The following MYCBP2 variants were observed in gnomAD, a reference collection of about 807,000 sequenced individuals.
The protein encoded by MYCBP2 is MYC binding protein 2.
Under a neutral mutation model 525.3 loss-of-function variants are expected in MYCBP2, and 120 were observed. The observed-to-expected ratio is 0.23, with a 90% CI of 0.20 to 0.27. MYCBP2 has a LOEUF of 0.27. Among genes scored for constraint, MYCBP2 ranks in the 10% least tolerant of loss-of-function variants. The pLI, the probability that MYCBP2 is intolerant of heterozygous loss-of-function variation, is 1.00. For synonymous variants in MYCBP2, 1,894 were observed against 1,955.8 expected, an observed-to-expected ratio of 0.97 and a Z score of 0.83; for missense variants, 4,149 against 5,657.1, an observed-to-expected ratio of 0.73 and a Z score of 8.55.
rs768646894 is a variant in MYCBP2, at chr13:77,081,816, A to G, written c.11193+21T>C. On this transcript the variant is annotated intron_variant, in intron 64 of 82. Transcript: ENST00000544440. The surrounding 1 kb of genome is among the most constrained non-coding windows in gnomAD (Gnocchi z 4.6). ...ATTATTAACTAACAGGACAACCAGG[A>G]TAATAACTGAAATGACTGACCTGAC... is the stretch of plus-strand genomic sequence containing the variant. The G allele has an allele frequency of 1.2e-6, 2 of 1,603,864 alleles. No individual in the cohort carries two copies. The highest frequency in any genetic ancestry group is 1.7e-6 in the Non-Finnish European group (2 of 1,175,248).
Position 77,310,140 on chromosome 13 carries a change from C to CA in MYCBP2, c.303-13467dup, listed in dbSNP as rs1380365675. 3.9e-5 allele frequency among the ~76,000 whole-genome samples: 6 copies of CA among 152,018 alleles called. No homozygotes were observed. In the South Asian group the frequency reaches 1.0e-3, roughly 26 times the overall value. On this transcript the variant is annotated intron_variant, in intron 1 of 82. Coordinates refer to ENST00000544440, the MANE Select transcript of MYCBP2 (RefSeq NM_015057.5). ...AAACAGACAAAAAAAAGAAAACAAA[C>CA]AAAAAATACCCTATGATTGTTCCAT... is the stretch of plus-strand genomic sequence containing the variant.
chr13:77,215,628 A>C (rs977768435), intron 21 of MYCBP2, among the ~76,000 whole-genome samples: 2 of 152,202 alleles, frequency 1.3e-5, no homozygotes, highest in Non-Finnish European at 2.9e-5. Context: ...TCTGCTGTCC[A>C]GGCCAGAGGG....
At chr13:77,170,723 C>A (rs867451564) in intron 38 of MYCBP2, among the ~76,000 whole-genome samples, 35 of 151,976 alleles carry the variant, frequency 2.3e-4, no homozygotes, top group African/African-American at 8.0e-4. Context: ...ATTACAGGCA[C>A]CTGCCACCAC....
intron 21 of MYCBP2, among the ~76,000 whole-genome samples, chr13:77,212,696 T>A (rs751086535): frequency 1.3e-4 from 20 of 152,338 alleles, no homozygotes; most frequent in Non-Finnish European, 2.1e-4. Context: ...TTCATTTATG[T>A]TTTAAAATAA....
At chr13:77,241,539 T>A (rs1186664539) in intron 17 of MYCBP2, among the ~76,000 whole-genome samples, 3 of 152,180 alleles carry the variant, frequency 2.0e-5, no homozygotes, top group Non-Finnish European at 4.4e-5. Flanking sequence ...AATTACCACA[T>A]CAGAAACTTA....
At chr13:77,160,457 TTTGA>T (rs2057773837) in intron 44 of MYCBP2, among the ~76,000 whole-genome samples, 1 of 152,228 alleles carries the variant, frequency 6.6e-6, no homozygotes, top group African/African-American at 2.4e-5. Context: ...TTATTACCGC[TTTGA>T]TTAATTCACC....
In MYCBP2 at chr13:77,081,597, T is replaced by C. The variant is rs781505369; in HGVS notation, c.11248A>G (p.Thr3750Ala). The change falls in exon 65 of 83, where the codon ACT (threonine) becomes GCT (alanine). Residue 3750 changes from threonine (T) to alanine (A), a missense_variant. Physicochemically the swap from Thr to Ala is moderately conservative, Grantham distance 58 (BLOSUM62 0). Transcript: ENST00000544440. This position sits in a 1 kb window ranked among gnomAD's most constrained non-coding sequence, Gnocchi z 4.6. ...KDLTSIVDIK[T>A]SSRPAMIGSL... The stretch of plus-strand genomic sequence containing the variant: ...CCAATCATGGCAGGTCGGCTTGAAG[T>C]TTTTATGTCAACAATGCTGGTTAAG... The C allele has an allele frequency of 6.2e-7, 1 of 1,613,792 alleles. No homozygotes were observed. The highest frequency in any genetic ancestry group is 8.5e-7 in the Non-Finnish European group (1 of 1,179,888).
At chr13:77,238,029 G>T (rs1359674389) in intron 17 of MYCBP2, among the ~76,000 whole-genome samples, 1 of 151,922 alleles carries the variant, frequency 6.6e-6, no homozygotes, top group Non-Finnish European at 1.5e-5. Flanking sequence ...GGATTACAAG[G>T]TCAGGAGATT....
At chr13:77,260,011 G>A (rs1301008932) in intron 13 of MYCBP2, among the ~76,000 whole-genome samples, 1 of 152,158 alleles carries the variant, frequency 6.6e-6, no homozygotes, top group East Asian at 1.9e-4. Context: ...GGGCACTGGG[G>A]ATAGAATAGT....
intron 1 of MYCBP2, among the ~76,000 whole-genome samples, chr13:77,319,939 G>A (rs575654662): frequency 3.9e-5 from 6 of 152,136 alleles, no homozygotes; most frequent in Non-Finnish European, 7.3e-5. Flanking sequence ...TGTGCACACC[G>A]GAAGTTTATT....
intron 24 of MYCBP2, among the ~76,000 whole-genome samples, chr13:77,206,420 T>C (rs572456070): frequency 1.6e-3 from 236 of 151,908 alleles, no homozygotes; most frequent in African/African-American, 5.4e-3. Flanking sequence ...TTTTTAAGGG[T>C]CTACCTCTGT....
chr13:77,182,239 C>T (rs78325821), intron 32 of MYCBP2, among the ~76,000 whole-genome samples: 4,482 of 152,068 alleles, frequency 0.029, 95 homozygotes, highest in East Asian at 0.052. Context: ...AGGGAGATGC[C>T]AAAAAGGCCC....
At position 77,125,455 on chromosome 13, in the gene MYCBP2, T is replaced by G; in HGVS notation, c.7898A>C (p.Glu2633Ala). ...VKAVGEVTNSEGTWVQLDQNS... is the reference protein window; with the variant it reads ...VKAVGEVTNSAGTWVQLDQNS... Reference sequence around the variant, plus strand: ...CTGATCCAGTTGCACCCATGTCCCTTCAGAATTGGTTACCTGGTACATAAC... The same window carrying G: ...CTGATCCAGTTGCACCCATGTCCCTGCAGAATTGGTTACCTGGTACATAAC... Residue 2633 changes from glutamate (E) to alanine (A), a missense_variant, in exon 54 of 83, where the codon GAA becomes GCA. Glu to Ala is a moderately radical substitution (Grantham distance 107, BLOSUM62 -1). Around this residue, in one of 21 missense-constraint regions of MYCBP2, gnomAD observed 653 missense variants for 744.7 expected, o/e 0.88. Transcript: ENST00000544440. The G allele has an allele frequency of 6.2e-7, 1 of 1,613,526 alleles. No individual in the cohort carries two copies. Among genetic ancestry groups the G allele is most frequent in the Non-Finnish European group, 8.5e-7 (1 of 1,179,662 alleles).
At chr13:77,218,495 C>T (rs2065116120) in intron 20 of MYCBP2, among the ~76,000 whole-genome samples, 1 of 152,184 alleles carries the variant, frequency 6.6e-6, no homozygotes, top group African/African-American at 2.4e-5. Flanking sequence ...TAAAGCTAGA[C>T]TGGCTGGTTG....
chr13:77,126,458 G>A lies in MYCBP2; in HGVS notation c.7744C>T (p.Pro2582Ser), dbSNP rs764398654. ...ATGCCTGGCCCTCCTCGCAAGAATG[G>A]CATATCTTGTTCTTGCATTGTTGCT... ...QEATMQEQDM[P>S]FLRGGPGMYK... Residue 2582 changes from proline to serine, a missense_variant, in exon 53 of 83, where the codon CCA becomes TCA. Physicochemically the swap from Pro to Ser is moderately conservative, Grantham distance 74. This residue lies in a region of MYCBP2 where 692 missense variants were observed against 852.7 expected (regional missense o/e 0.81). Transcript: ENST00000544440. The A allele has an allele frequency of 2.5e-6, 4 of 1,613,810 alleles. No individual in the cohort carries two copies. Among genetic ancestry groups the A allele is most frequent in the Admixed American group, 1.7e-5 (1 of 59,978 alleles).
chr13:77,068,541 A>T (rs540167690), intron 70 of MYCBP2, 24 bp downstream of exon 70: 1 of 1,597,136 alleles, frequency 6.3e-7, no homozygotes, highest in South Asian at 1.1e-5. Flanking sequence ...AAAGCAATGG[A>T]AAGGCTGTAG....
chr13:77,227,574 G>A (rs967172474), intron 18 of MYCBP2, among the ~76,000 whole-genome samples: 6 of 151,136 alleles, frequency 4.0e-5, no homozygotes, highest in Non-Finnish European at 5.9e-5. Context: ...GAAATTTTAC[G>A]GCTTTATCTC....
At chr13:77,213,117 C>T (rs1037968355) in intron 21 of MYCBP2, among the ~76,000 whole-genome samples, 11 of 152,178 alleles carry the variant, frequency 7.2e-5, no homozygotes, top group African/African-American at 2.7e-4. Flanking sequence ...AAACACTCAA[C>T]ATTTATTTCT....
rs1459032433 is a variant in MYCBP2 at position 77,093,344 on chromosome 13, CA to C, written c.10200-13del. 1.2e-6 allele frequency: 2 copies of C among 1,611,376 alleles called. No individual in the cohort carries two copies. The highest frequency in any genetic ancestry group is 3.3e-5 in the Admixed American group (2 of 59,824). ...TTTCATGATGATGCCTGCATTAAAT[CA>C]AACCCAATAACTTAAAGCATGATGG... On this transcript the variant is annotated splice_polypyrimidine_tract_variant and intron_variant, in intron 58 of 82. Transcript: ENST00000544440.
Sources: gnomAD v4.1 joint callset for allele counts (sites outside exome capture counted in the v4.1 genomes callset) on GRCh38, gnomAD v4.1.1 for gene constraint, gnomAD v4.1.1 regional missense constraint, Gnocchi (gnomAD v3.1) non-coding constraint, MANE v1.5 for transcripts, NCBI Gene and HGNC (gene_info 2026-07-23, HGNC 2026-07-21) for gene names.